ABI2: variants seen among roughly 807,000 people sequenced by gnomAD.
The protein encoded by ABI2 is abl interactor 2.
In ABI2, 25 loss-of-function variants were observed where a neutral mutation model predicts 59.2. The ratio of observed to expected loss-of-function variants is 0.42; its 90% CI spans 0.31 to 0.59. The LOEUF (loss-of-function observed/expected upper bound fraction) is 0.59, where lower values mean the gene tolerates loss of function less well. ABI2 is among the 20% of genes least tolerant of loss of function. The probability of loss-of-function intolerance (pLI) is 0.14; values close to 1 mark genes in which losing one functional copy is unlikely to be tolerated. For missense variants in ABI2, 545 were observed against 681.8 expected (o/e 0.80, Z 2.23); for synonymous variants, 213 against 235.5 (o/e 0.90, Z 0.87).
rs1190367789 is a variant in ABI2, at chr2:203,374,778, C to T, written c.286-5430C>T. On this transcript the variant is annotated intron_variant, in intron 2 of 11. Coordinates refer to ENST00000261018, the MANE Select transcript of ABI2 (RefSeq NM_001375670.1). ...AAAATTGAGACATATTTAAAAACAC[C>T]CAATTTAGTTGGGTTAATCCACTGT... 1.4e-5 allele frequency: 6 copies of T among 441,834 alleles called. No homozygotes were observed. In the East Asian group the frequency reaches 3.5e-4, roughly 26 times the overall value. The allele number at this position is 441,834 out of a possible 1,614,324, so 27.4% of individuals were successfully genotyped here. A position where few individuals can be genotyped will look rare whatever the true frequency, so the allele number is the denominator to read the frequency against.
intron 2 of ABI2, among the ~76,000 whole-genome samples, chr2:203,376,448 A>G (rs778904832): frequency 1.3e-5 from 2 of 152,192 alleles, no homozygotes; most frequent in Non-Finnish European, 2.9e-5. Context: ...CATATAGCCA[A>G]ACTAAATTAT....
At chr2:203,345,058 G>C (rs1438483338) in intron 1 of ABI2, among the ~76,000 whole-genome samples, 1 of 152,128 alleles carries the variant, frequency 6.6e-6, no homozygotes, top group Non-Finnish European at 1.5e-5. Context: ...CAACCCGCCG[G>C]GGTCCTCTTC....
intron 11 of ABI2, among the ~76,000 whole-genome samples, chr2:203,419,341 G>A (rs1404389838): frequency 6.6e-6 from 1 of 150,876 alleles, no homozygotes; most frequent in Non-Finnish European, 1.5e-5. Context: ...CTCATGATCC[G>A]CCCGCCTAGG....
chr2:203,427,426 C>T lies in ABI2; in HGVS notation c.*74C>T, dbSNP rs2098449406. ...GATTATCTGAAGGCCCTGGGGATTC[C>T]ACTCCAGTAAAGTAGAATGAAGGAT... On this transcript the variant is annotated 3_prime_UTR_variant, in exon 12 of 12. Transcript: ENST00000261018. 1.5e-6 allele frequency: 2 copies of T among 1,321,990 alleles called. No individual in the cohort carries two copies. The highest frequency in any genetic ancestry group is 3.0e-5 in the South Asian group (2 of 67,642). The allele number at this position is 1,321,990 out of a possible 1,614,324, so 81.9% of individuals were successfully genotyped here.
intron 11 of ABI2, among the ~76,000 whole-genome samples, chr2:203,426,008 TGA>T: frequency 7.1e-6 from 1 of 140,858 alleles, no homozygotes; most frequent in South Asian, 2.2e-4. Context: ...GCGATAAGAG[TGA>T]GACTGTCTCA....
At chr2:203,369,841 G>T (rs1202534992) in intron 2 of ABI2, among the ~76,000 whole-genome samples, 1 of 152,138 alleles carries the variant, frequency 6.6e-6, no homozygotes, top group African/African-American at 2.4e-5. Flanking sequence ...TAGGCTGATA[G>T]AGGCTATATT....
intron 10 of ABI2, among the ~76,000 whole-genome samples, chr2:203,412,089 A>T (rs2097701091): frequency 6.6e-6 from 1 of 152,198 alleles, no homozygotes; most frequent in African/African-American, 2.4e-5. Context: ...TAGGAGAATG[A>T]TATTAAAGAT....
intron 2 of ABI2, among the ~76,000 whole-genome samples, chr2:203,379,234 T>G (rs1182248485): frequency 6.6e-6 from 1 of 152,194 alleles, no homozygotes; most frequent in African/African-American, 2.4e-5. Flanking sequence ...AACTTGGTCT[T>G]TTGGGGTCAA....
intron 1 of ABI2, among the ~76,000 whole-genome samples, chr2:203,345,969 C>G (rs1309911760): frequency 5.9e-5 from 9 of 151,816 alleles, no homozygotes; most frequent in Non-Finnish European, 8.8e-5. Context: ...CACCTGAGAT[C>G]AGGAGTTTAA....
chr2:203,366,814 G>T, intron 1 of ABI2, 63 bp from the exon 2 acceptor site: 1 of 1,448,448 alleles, frequency 6.9e-7, no homozygotes, highest in Non-Finnish European at 9.2e-7. Flanking sequence ...TTTTTTGGTA[G>T]GTTAGTTTGC....
At chr2:203,410,570 A>AT (rs2097625143) in intron 9 of ABI2, among the ~76,000 whole-genome samples, 1 of 152,176 alleles carries the variant, frequency 6.6e-6, no homozygotes, top group South Asian at 2.1e-4. Context: ...GAATGATTTG[A>AT]TTAAGGCCTG....
In ABI2 at chr2:203,427,172, C is replaced by T. The variant is rs1221335351; in HGVS notation, c.1454-5C>T. The T allele has an allele frequency of 8.1e-6, 13 of 1,612,522 alleles. No individual in the cohort carries two copies. The highest frequency in any genetic ancestry group is 1.1e-5 in the Non-Finnish European group (13 of 1,179,184). ...CACATCCTGTTTTGTTTTCTTCCCTCCTAGTTGTGGCAATTTATGACTATA... is the reference window on the plus strand; with the variant it reads ...CACATCCTGTTTTGTTTTCTTCCCTTCTAGTTGTGGCAATTTATGACTATA... On this transcript the variant is annotated splice_polypyrimidine_tract_variant and splice_region_variant and intron_variant, in intron 11 of 11. Transcript: ENST00000261018.
At chr2:203,373,496 AGGGAGAGGGAGC>A (rs201411546) in intron 2 of ABI2, among the ~76,000 whole-genome samples, 5,758 of 151,370 alleles carry the variant, frequency 0.038, 355 homozygotes, top group African/African-American at 0.13. Flanking sequence ...GGAGAGGGAG[AGGGAGAGGGAGC>A]GGGAGAGGGA....
chr2:203,386,513 A>G lies in ABI2; in HGVS notation c.480+4307A>G. The G allele has an allele frequency of 7.4e-6, 5 of 674,686 alleles. No individual in the cohort carries two copies. The South Asian group carries it at 2.7e-4, about 36-fold the overall frequency. 41.8% of individuals were successfully genotyped at this position (674,686 alleles called of 1,614,324 possible). On this transcript the variant is annotated intron_variant, in intron 4 of 11. Transcript: ENST00000261018. ...CTGGAATCCTGTTCTTTTAAAACTTAACAAGTTTAAGAAATTATTAGGGAA... is the reference window on the plus strand; with the variant it reads ...CTGGAATCCTGTTCTTTTAAAACTTGACAAGTTTAAGAAATTATTAGGGAA...
chr2:203,350,063 A>T (rs967302326), intron 1 of ABI2, among the ~76,000 whole-genome samples: 4 of 152,030 alleles, frequency 2.6e-5, no homozygotes, highest in African/African-American at 9.7e-5. Context: ...GCATTTGTGG[A>T]CTGTCTCTTT....
chr2:203,360,573 A>G (rs1410268366), intron 1 of ABI2, among the ~76,000 whole-genome samples: 2 of 152,190 alleles, frequency 1.3e-5, no homozygotes, highest in Non-Finnish European at 2.9e-5. Flanking sequence ...AGAGAGATGA[A>G]CAGGCTAAAG....
At chr2:203,414,602 G>A (rs544233168) in intron 10 of ABI2, among the ~76,000 whole-genome samples, 9 of 152,280 alleles carry the variant, frequency 5.9e-5, no homozygotes, top group Middle Eastern at 3.4e-3. Context: ...AGATTTGGTC[G>A]TTCATGTCTT....
intron 2 of ABI2, among the ~76,000 whole-genome samples, chr2:203,373,135 G>A (rs927877923): frequency 2.2e-4 from 34 of 152,134 alleles, no homozygotes; most frequent in African/African-American, 6.3e-4. Flanking sequence ...AGGTTGTAGC[G>A]AGCCGAGATC....
At chr2:203,392,195 A>T (rs1347740279) in intron 5 of ABI2, among the ~76,000 whole-genome samples, 3 of 152,126 alleles carry the variant, frequency 2.0e-5, no homozygotes, top group Non-Finnish European at 4.4e-5. Context: ...AAATGTTTTG[A>T]CAACCATTGG....
Sources: allele counts gnomAD v4.1 joint callset (sites outside exome capture counted in the v4.1 genomes callset), GRCh38; gene constraint gnomAD v4.1.1; transcripts MANE v1.5; gene names NCBI Gene and HGNC (gene_info 2026-07-23, HGNC 2026-07-21).